KHDRBS2: variants seen among roughly 807,000 people sequenced by gnomAD.
KHDRBS2 encodes the protein KH RNA binding domain containing, signal transduction associated 2, also known as KH domain-containing, RNA-binding, signal transduction-associated protein 2.
Under a neutral mutation model 44.3 loss-of-function variants are expected in KHDRBS2, and 26 were observed. The observed-to-expected ratio is 0.59, with a 90% CI of 0.43 to 0.81. KHDRBS2 has a LOEUF of 0.81. Among genes scored for constraint, KHDRBS2 ranks in the 40% least tolerant of loss-of-function variants. KHDRBS2 has a pLI of 0.00. For missense variants in KHDRBS2, 476 were observed against 433.1 expected (o/e 1.10, Z -0.88); for synonymous variants, 194 against 151.1 (o/e 1.28, Z -2.08).
intron 6 of KHDRBS2, among the ~76,000 whole-genome samples, chr6:61,830,079 G>A (rs1452845200): frequency 6.6e-6 from 1 of 152,142 alleles, no homozygotes; most frequent in Admixed American, 6.5e-5. Context: ...ATAGATGATA[G>A]TCTGAGAGCC....
chr6:62,017,918 A>T (rs1043607324), intron 3 of KHDRBS2, among the ~76,000 whole-genome samples: 1 of 152,068 alleles, frequency 6.6e-6, no homozygotes, highest in Non-Finnish European at 1.5e-5. Flanking sequence ...AATTTTTCAT[A>T]CATCAATTTG....
the KHDRBS2 span, among the ~76,000 whole-genome samples, chr6:61,595,138 C>A: frequency 6.6e-6 from 1 of 152,100 alleles, no homozygotes; most frequent in Non-Finnish European, 1.5e-5. Flanking sequence ...TATTAAAAAT[C>A]AAACTCTAGT....
intron 2 of KHDRBS2, among the ~76,000 whole-genome samples, chr6:62,170,535 C>G (rs1246944132): frequency 1.3e-5 from 2 of 152,138 alleles, no homozygotes; most frequent in Non-Finnish European, 1.5e-5. Context: ...GGCTAACACT[C>G]TTAAGTGCCA....
chr6:62,229,302 C>T (rs1277729474), intron 1 of KHDRBS2, among the ~76,000 whole-genome samples: 1 of 152,112 alleles, frequency 6.6e-6, no homozygotes, highest in African/African-American at 2.4e-5. Context: ...TGCCACGGCT[C>T]CTGCGTTGAG....
intron 1 of KHDRBS2, among the ~76,000 whole-genome samples, chr6:62,219,616 G>A (rs1830548958): frequency 6.6e-6 from 1 of 150,772 alleles, no homozygotes; most frequent in Non-Finnish European, 1.5e-5. Context: ...AAATAATTTG[G>A]GATTTTAAAA....
At chr6:61,773,235 G>A (rs1301029217) in intron 6 of KHDRBS2, among the ~76,000 whole-genome samples, 1 of 152,162 alleles carries the variant, frequency 6.6e-6, no homozygotes, top group Non-Finnish European at 1.5e-5. Context: ...CACAATGGTT[G>A]AAGTAGTTTA....
intron 2 of KHDRBS2, among the ~76,000 whole-genome samples, chr6:62,145,185 T>G (rs923115426): frequency 2.0e-5 from 3 of 151,876 alleles, no homozygotes; most frequent in Non-Finnish European, 4.4e-5. Flanking sequence ...ATATATTTCT[T>G]TATAATTTTT....
chr6:62,122,711 C>G (rs997142320), intron 2 of KHDRBS2, among the ~76,000 whole-genome samples: 2 of 150,364 alleles, frequency 1.3e-5, no homozygotes, highest in Non-Finnish European at 3.0e-5. Context: ...ATGAAGACAC[C>G]ACCTGAAAGT....
intron 1 of KHDRBS2, among the ~76,000 whole-genome samples, chr6:62,210,254 G>A (rs1420165504): frequency 6.7e-5 from 10 of 149,140 alleles, no homozygotes; most frequent in African/African-American, 2.2e-4. Flanking sequence ...CTGATAAGCA[G>A]AAATAATATA....
chr6:61,625,502 A>C, the KHDRBS2 span, among the ~76,000 whole-genome samples: 2 of 151,830 alleles, frequency 1.3e-5, no homozygotes, highest in Non-Finnish European at 2.9e-5. Context: ...GTGTTCATGT[A>C]AAGTTCATGC....
In KHDRBS2 at chr6:61,954,775, T is replaced by C. The variant is rs796887631; in HGVS notation, c.483+23291A>G. 3.3e-3 allele frequency among the ~76,000 whole-genome samples: 362 copies of C among 110,538 alleles called. 63 individuals carry two copies. The highest frequency in any genetic ancestry group is 5.0e-3 in the Non-Finnish European group (253 of 50,872). The allele number at this position is 110,538 out of a possible 152,430, so 72.5% of individuals were successfully genotyped here. A position where few individuals can be genotyped will look rare whatever the true frequency, so the allele number is the denominator to read the frequency against. Reference sequence around the variant, plus strand: ...ACATGCATATGTATGTATACATACATATGTGTATATACACATGCATATGTA... The same window carrying C: ...ACATGCATATGTATGTATACATACACATGTGTATATACACATGCATATGTA... On this transcript the variant is annotated intron_variant, in intron 4 of 8. Transcript: ENST00000281156.
At chr6:62,097,520 ATT>A (rs1449613811) in intron 2 of KHDRBS2, among the ~76,000 whole-genome samples, 1 of 151,960 alleles carries the variant, frequency 6.6e-6, no homozygotes, top group African/African-American at 2.4e-5. Context: ...TTTAGAGTAT[ATT>A]TTATCTAATA....
chr6:61,557,979 T>A, the KHDRBS2 span, among the ~76,000 whole-genome samples: 89,844 of 151,932 alleles, frequency 0.59, 26,775 homozygotes, highest in Non-Finnish European at 0.61. Flanking sequence ...TCAGTTGTAA[T>A]GTCTCCTTTC....
intron 7 of KHDRBS2, among the ~76,000 whole-genome samples, chr6:61,723,403 G>A (rs780370631): frequency 6.6e-6 from 1 of 152,122 alleles, no homozygotes; most frequent in Non-Finnish European, 1.5e-5. Context: ...ATTGACAGAA[G>A]TAGACTTCAG....
At chr6:62,167,959 C>T (rs1242666564) in intron 2 of KHDRBS2, among the ~76,000 whole-genome samples, 2 of 152,098 alleles carry the variant, frequency 1.3e-5, no homozygotes, top group Non-Finnish European at 2.9e-5. Context: ...GGTATTTCAT[C>T]TTTTGATGTA....
chr6:62,261,014 C>T (rs1453248521), intron 1 of KHDRBS2, among the ~76,000 whole-genome samples: 2 of 151,820 alleles, frequency 1.3e-5, no homozygotes, highest in Non-Finnish European at 2.9e-5. Flanking sequence ...AAAATCTGGT[C>T]ACTGGCAATA....
intron 6 of KHDRBS2, among the ~76,000 whole-genome samples, chr6:61,793,689 T>C (rs2127586464): frequency 6.6e-6 from 1 of 152,264 alleles, no homozygotes; most frequent in African/African-American, 2.4e-5. Context: ...TAATATTTCA[T>C]AATTTAAAAA....
chr6:62,197,625 A>G (rs1313161705), intron 1 of KHDRBS2, among the ~76,000 whole-genome samples: 3 of 152,068 alleles, frequency 2.0e-5, no homozygotes, highest in Non-Finnish European at 2.9e-5. Context: ...TAGTGGAGAC[A>G]AAGTCCACTA....
intron 6 of KHDRBS2, among the ~76,000 whole-genome samples, chr6:61,834,253 C>A (rs1332493163): frequency 6.6e-6 from 1 of 151,912 alleles, no homozygotes; most frequent in African/African-American, 2.4e-5. Context: ...CAAATGAATA[C>A]TTGGCACCTC....
Sources: allele counts gnomAD v4.1 joint callset (sites outside exome capture counted in the v4.1 genomes callset), GRCh38; gene constraint gnomAD v4.1.1; transcripts MANE v1.5; gene names NCBI Gene and HGNC (gene_info 2026-07-23, HGNC 2026-07-21).